Variants in ACSF3 observed in about 807,000 individuals in gnomAD.
ACSF3 encodes malonate--CoA ligase ACSF3, mitochondrial.
Under a neutral mutation model 53.2 loss-of-function variants are expected in ACSF3, and 78 were observed. That is an observed-to-expected ratio of 1.47 (90% confidence interval 1.22 to 1.77). ACSF3 has a LOEUF of 1.77. Among genes scored for constraint, ACSF3 ranks in the 40% most tolerant of loss-of-function variants. The pLI, the probability that ACSF3 is intolerant of heterozygous loss-of-function variation, is 0.00. For synonymous variants in ACSF3, 414 were observed against 333.1 expected, an observed-to-expected ratio of 1.24 and a Z score of -2.65; for missense variants, 937 against 771.1, an observed-to-expected ratio of 1.22 and a Z score of -2.55.
At chr16:89,119,434 C>T (rs993300230) in intron 6 of ACSF3, among the ~76,000 whole-genome samples, 10 of 152,222 alleles carry the variant, frequency 6.6e-5, no homozygotes, top group South Asian at 2.1e-4. Flanking sequence ...GTGTGGCGGT[C>T]GTGGGCTGTG....
intron 4 of ACSF3, among the ~76,000 whole-genome samples, chr16:89,110,529 C>T (rs1465638892): frequency 6.6e-6 from 1 of 152,250 alleles, no homozygotes; most frequent in African/African-American, 2.4e-5. Flanking sequence ...TCTAATCTTA[C>T]ACAGCATCAC....
At chr16:89,134,866 C>G (rs1159154812) in intron 8 of ACSF3, among the ~76,000 whole-genome samples, 3 of 152,194 alleles carry the variant, frequency 2.0e-5, no homozygotes, top group African/African-American at 7.2e-5. Flanking sequence ...GGAAATCCAG[C>G]TAGTCCTGTC....
intron 8 of ACSF3, among the ~76,000 whole-genome samples, chr16:89,137,191 G>A (rs577874493): frequency 3.0e-4 from 45 of 152,344 alleles, no homozygotes; most frequent in African/African-American, 1.0e-3. Flanking sequence ...AGCCGGGTGA[G>A]GAAACCTGAT....
intron 10 of ACSF3, 152 bp from the exon 11 acceptor site, chr16:89,153,938 T>TGG: frequency 1.4e-6 from 1 of 728,194 alleles, no homozygotes; most frequent in South Asian, 1.6e-5. Flanking sequence ...ACAGCTGCGG[T>TGG]GGCCCGGTGC....
In ACSF3 at chr16:89,154,558, CA is replaced by C. The variant is rs970858000; in HGVS notation, c.*357del. 2 of 334,862 alleles carry C rather than the reference CA, an allele frequency of 6.0e-6. No homozygotes were observed. The highest frequency in any genetic ancestry group is 5.6e-6 in the Non-Finnish European group (1 of 178,770). 20.7% of individuals were successfully genotyped at this position (334,862 alleles called of 1,614,324 possible). A position where few individuals can be genotyped will look rare whatever the true frequency, so the allele number is the denominator to read the frequency against. On this transcript the variant is annotated 3_prime_UTR_variant, in exon 11 of 11. Coordinates refer to ENST00000614302, the MANE Select transcript of ACSF3 (RefSeq NM_001243279.3). ...CAGGGCAGGTCCCAGAGGTTTCCCA[CA>C]AAAAACAAAGACTCCACTGGAGGAA...
At chr16:89,112,655 CT>C (rs1904303881) in intron 5 of ACSF3, among the ~76,000 whole-genome samples, 1 of 152,174 alleles carries the variant, frequency 6.6e-6, no homozygotes, top group East Asian at 1.9e-4. Flanking sequence ...TTCTCTTTCT[CT>C]ATCTCTCCTG....
intron 7 of ACSF3, among the ~76,000 whole-genome samples, chr16:89,125,748 G>A (rs1907906727): frequency 6.6e-6 from 1 of 151,574 alleles, no homozygotes; most frequent in African/African-American, 2.4e-5. Context: ...CATTCTGATC[G>A]GGGAGATCAC....
chr16:89,133,534 C>T (rs555308890), intron 8 of ACSF3, among the ~76,000 whole-genome samples: 17 of 152,164 alleles, frequency 1.1e-4, no homozygotes, highest in South Asian at 6.2e-4. Context: ...TGTCCCTCAG[C>T]GCGACAGCCG....
Position 89,100,645 on chromosome 16 carries a change from G to C in ACSF3, c.-20-17G>C. On this transcript the variant is annotated splice_polypyrimidine_tract_variant and intron_variant, in intron 2 of 10. Transcript: ENST00000614302. ...GGACAGTTGGGCACTCACGTCCTGT[G>C]CCTTGCCTTTCTCCAGCTCGGCCGC... is the stretch of plus-strand genomic sequence containing the variant. 3.9e-6 allele frequency: 2 copies of C among 516,752 alleles called. No individual in the cohort carries two copies. The highest frequency in any genetic ancestry group is 6.3e-6 in the Non-Finnish European group (2 of 317,886). 32.0% of individuals were successfully genotyped at this position (516,752 alleles called of 1,614,324 possible).
At chr16:89,105,852 C>T (rs1056387855) in intron 4 of ACSF3, among the ~76,000 whole-genome samples, 9 of 152,224 alleles carry the variant, frequency 5.9e-5, no homozygotes, top group Non-Finnish European at 1.0e-4. Context: ...TGGTTCCATC[C>T]TCCCAAGTAA....
At chr16:89,138,893 C>G (rs1385966776) in intron 8 of ACSF3, among the ~76,000 whole-genome samples, 1 of 152,264 alleles carries the variant, frequency 6.6e-6, no homozygotes, top group Non-Finnish European at 1.5e-5. Context: ...AAGTTACACA[C>G]CTGTGGCTTA....
chr16:89,097,169 G>A (rs961073455), intron 1 of ACSF3, among the ~76,000 whole-genome samples: 2 of 152,180 alleles, frequency 1.3e-5, no homozygotes, highest in Non-Finnish European at 2.9e-5. Flanking sequence ...CGTGTGGTTA[G>A]CGTGTGCTCA....
At chr16:89,111,801 C>T (rs540497492) in intron 4 of ACSF3, among the ~76,000 whole-genome samples, 1 of 152,236 alleles carries the variant, frequency 6.6e-6, no homozygotes, top group African/African-American at 2.4e-5. Context: ...CATCCGCCCT[C>T]TCTGTGTAGC....
intron 4 of ACSF3, among the ~76,000 whole-genome samples, chr16:89,109,078 C>T (rs1332305612): frequency 6.6e-6 from 1 of 151,764 alleles, no homozygotes; most frequent in Non-Finnish European, 1.5e-5. Context: ...ACTAAAAATA[C>T]AAAATTAGCC....
intron 8 of ACSF3, 133 bp downstream of exon 8, chr16:89,133,395 G>A (rs1323972951): frequency 7.2e-6 from 9 of 1,248,730 alleles, no homozygotes; most frequent in Non-Finnish European, 1.0e-5. Flanking sequence ...GGGGTGGAGT[G>A]GGGCTGGGGG....
chr16:89,130,405 C>G (rs1909039003), intron 7 of ACSF3, among the ~76,000 whole-genome samples: 1 of 152,110 alleles, frequency 6.6e-6, no homozygotes, highest in South Asian at 2.1e-4. Context: ...GAAACCCTGT[C>G]TCTACTAAAA....
chr16:89,155,561 C>G lies in ACSF3; in HGVS notation c.*1354C>G, dbSNP rs1338767284. 6.6e-6 allele frequency: 3 copies of G among 454,158 alleles called. No individual in the cohort carries two copies. Among genetic ancestry groups the G allele is most frequent in the South Asian group, 4.7e-5 (3 of 64,478 alleles). The allele number at this position is 454,158 out of a possible 1,614,324, so 28.1% of individuals were successfully genotyped here. A position where few individuals can be genotyped will look rare whatever the true frequency, so the allele number is the denominator to read the frequency against. Reference sequence around the variant, plus strand: ...CCGAACTCCTGCCTCACGGTGTGGCCTTGTGCATCCCCATGGCCTGACCCC... The same window carrying G: ...CCGAACTCCTGCCTCACGGTGTGGCGTTGTGCATCCCCATGGCCTGACCCC... On this transcript the variant is annotated 3_prime_UTR_variant, in exon 11 of 11. Coordinates refer to ENST00000614302, the MANE Select transcript of ACSF3 (RefSeq NM_001243279.3).
chr16:89,119,083 G>C (rs1422218687), intron 6 of ACSF3, among the ~76,000 whole-genome samples: 1 of 151,440 alleles, frequency 6.6e-6, no homozygotes, highest in Admixed American at 6.6e-5. Flanking sequence ...GAGTGTGGGG[G>C]CCCCTCCCTG....
At chr16:89,121,389 C>T (rs1440212331) in intron 7 of ACSF3, among the ~76,000 whole-genome samples, 1 of 152,182 alleles carries the variant, frequency 6.6e-6, no homozygotes, top group Non-Finnish European at 1.5e-5. Flanking sequence ...GGGCCCTGCA[C>T]GCGGAGGTGG....
Sources: gnomAD v4.1 joint callset for allele counts (sites outside exome capture counted in the v4.1 genomes callset) on GRCh38, gnomAD v4.1.1 for gene constraint, MANE v1.5 for transcripts, NCBI Gene and HGNC (gene_info 2026-07-23, HGNC 2026-07-21) for gene names.